NUCKS1: variants seen among roughly 807,000 people sequenced by gnomAD.
NUCKS1 encodes nuclear casein kinase and cyclin dependent kinase substrate 1.
Under a neutral mutation model 33.0 loss-of-function variants are expected in NUCKS1, and 2 were observed. The ratio of observed to expected loss-of-function variants is 0.06; its 90% confidence interval spans 0.02 to 0.19. The LOEUF is 0.19. NUCKS1 is among the 10% of genes least tolerant of loss of function. The pLI, the probability that NUCKS1 is intolerant of heterozygous loss-of-function variation, is 1.00. For synonymous variants in NUCKS1, 106 were observed against 102.8 expected (o/e 1.03, Z -0.19); for missense variants, 201 against 293.6 (o/e 0.68, Z 2.31).
At position 205,716,813 on chromosome 1, in the gene NUCKS1, C is replaced by T. The variant is rs1409998567; in HGVS notation, c.*1467G>A. ...AAGGATCAAACCTACGGATCTATCT[C>T]CTGACTGCTTTTATAAGGCGTGTAA... On this transcript the variant is annotated 3_prime_UTR_variant, in exon 7 of 7. Transcript: ENST00000367142. The T allele has an allele frequency of 6.6e-6, 1 of 152,222 alleles. No homozygotes were observed. The highest frequency in any genetic ancestry group is 1.5e-5 in the Non-Finnish European group (1 of 68,050). 9.4% of individuals were successfully genotyped at this position (152,222 alleles called of 1,614,324 possible).
rs979103535 is a variant in NUCKS1, at chr1:205,718,238, T to C, written c.*42A>G. The C allele has an allele frequency of 9.5e-6, 8 of 844,512 alleles. No individual in the cohort carries two copies. Among genetic ancestry groups the C allele is most frequent in the East Asian group, 3.9e-5 (1 of 25,718 alleles). 52.3% of individuals were successfully genotyped at this position (844,512 alleles called of 1,614,324 possible). On this transcript the variant is annotated 3_prime_UTR_variant, in exon 7 of 7. Coordinates refer to ENST00000367142, the MANE Select transcript of NUCKS1 (RefSeq NM_022731.5). Reference sequence around the variant, plus strand: ...CCTCCCTCTTTTTTCTTTTTTTTTCTTTTTTTTTTTAATAAAATCTCTCCC... The same window carrying C: ...CCTCCCTCTTTTTTCTTTTTTTTTCCTTTTTTTTTTAATAAAATCTCTCCC...
At chr1:205,738,200 G>A (rs1287758925) in intron 1 of NUCKS1, among the ~76,000 whole-genome samples, 1 of 151,708 alleles carries the variant, frequency 6.6e-6, no homozygotes, top group Non-Finnish European at 1.5e-5. Context: ...TACTTTTTTT[G>A]TATTTTTAGT....
rs1355523171 is a variant in NUCKS1, at chr1:205,727,889, A to G, written c.68-84T>C. ...ATATTTACTGACATAATTATCTCTC[A>G]TGCTGTTTAAATGGTGAGAGGAGCA... On this transcript the variant is annotated intron_variant, in intron 2 of 6. Coordinates refer to ENST00000367142, the MANE Select transcript of NUCKS1 (RefSeq NM_022731.5). 6 of 922,734 alleles carry G rather than the reference A, an allele frequency of 6.5e-6. No individual in the cohort carries two copies. In the African/African-American group the frequency reaches 1.0e-4, roughly 15 times the overall value. The allele number at this position is 922,734 out of a possible 1,614,324, so 57.2% of individuals were successfully genotyped here.
chr1:205,732,481 A>G (rs1334105925), intron 1 of NUCKS1, among the ~76,000 whole-genome samples: 1 of 152,158 alleles, frequency 6.6e-6, no homozygotes, highest in Non-Finnish European at 1.5e-5. Context: ...TGAACTATAC[A>G]CTTAAAAATG....
intron 1 of NUCKS1, among the ~76,000 whole-genome samples, chr1:205,747,346 G>C (rs1571593041): frequency 6.6e-6 from 1 of 152,254 alleles, no homozygotes; most frequent in African/African-American, 2.4e-5. Flanking sequence ...CTATTAATTT[G>C]AATCCAAGGC....
chr1:205,730,817 G>A (rs910076605), intron 1 of NUCKS1, among the ~76,000 whole-genome samples: 2 of 151,806 alleles, frequency 1.3e-5, no homozygotes, highest in Admixed American at 1.3e-4. Context: ...ACAATCTCCC[G>A]TCTCTCAAAA....
Position 205,723,922 on chromosome 1 carries a change from C to T in NUCKS1, c.229+4G>A, listed in dbSNP as rs756363440. On this transcript the variant is annotated splice_donor_region_variant and intron_variant, in intron 4 of 6. Coordinates refer to ENST00000367142, the MANE Select transcript of NUCKS1 (RefSeq NM_022731.5). Reference sequence around the variant, plus strand: ...TACCTCTTACATTTAAAATAGTTTACTACCTGCTGAGTGAGAATCATCCTT... The same window carrying T: ...TACCTCTTACATTTAAAATAGTTTATTACCTGCTGAGTGAGAATCATCCTT... The T allele has an allele frequency of 9.4e-6, 15 of 1,589,146 alleles. No homozygotes were observed. Among genetic ancestry groups the T allele is most frequent in the South Asian group, 7.7e-5 (7 of 90,494 alleles).
At chr1:205,724,059 A>G (rs1044063962) in intron 3 of NUCKS1, 78 bp from the exon 4 acceptor site, 1 of 1,056,764 alleles carries the variant, frequency 9.5e-7, no homozygotes, top group Middle Eastern at 2.1e-4. Flanking sequence ...CTGATTTCTG[A>G]CTTGAGAAGA....
chr1:205,749,468 CAG>C (rs1173202647), intron 1 of NUCKS1, among the ~76,000 whole-genome samples: 1 of 152,150 alleles, frequency 6.6e-6, no homozygotes, highest in Non-Finnish European at 1.5e-5. Flanking sequence ...CCGTCCGCTA[CAG>C]AGAGGGCTCA....
intron 4 of NUCKS1, among the ~76,000 whole-genome samples, chr1:205,721,503 T>C (rs1671916048): frequency 6.6e-6 from 1 of 152,342 alleles, no homozygotes; most frequent in Non-Finnish European, 1.5e-5. Flanking sequence ...GTTCACTGTT[T>C]TTGAAAGCTA....
intron 6 of NUCKS1, among the ~76,000 whole-genome samples, chr1:205,718,865 A>T (rs1447488893): frequency 6.6e-6 from 1 of 152,234 alleles, no homozygotes; most frequent in Non-Finnish European, 1.5e-5. Flanking sequence ...AAAAGAATTA[A>T]TCTGATCAGA....
chr1:205,741,325 G>GA (rs1654168487), intron 1 of NUCKS1, among the ~76,000 whole-genome samples: 1 of 142,116 alleles, frequency 7.0e-6, no homozygotes, highest in Non-Finnish European at 1.5e-5. Context: ...AAAAAGAAAA[G>GA]AAAAGAAAGA....
At chr1:205,731,893 C>T (rs1223291008) in intron 1 of NUCKS1, among the ~76,000 whole-genome samples, 1 of 141,014 alleles carries the variant, frequency 7.1e-6, no homozygotes, top group Non-Finnish European at 1.5e-5. Context: ...GAGACTCCGT[C>T]TCAAAAAAAA....
intron 1 of NUCKS1, among the ~76,000 whole-genome samples, chr1:205,742,834 AAAAT>A (rs1369971365): frequency 2.6e-4 from 40 of 152,298 alleles, no homozygotes; most frequent in South Asian, 4.1e-4. Context: ...CAAAGAAAAA[AAAAT>A]AAATAAATAA....
intron 1 of NUCKS1, among the ~76,000 whole-genome samples, chr1:205,735,533 A>C (rs954147005): frequency 6.6e-6 from 1 of 152,226 alleles, no homozygotes; most frequent in Admixed American, 6.5e-5. Flanking sequence ...GACAGCATAA[A>C]ATTTCAATAT....
At chr1:205,746,447 TCTCTCTCACA>T (rs1385053445) in intron 1 of NUCKS1, among the ~76,000 whole-genome samples, 164 of 88,734 alleles carry the variant, frequency 1.8e-3, no homozygotes, top group African/African-American at 6.2e-3. Context: ...TCTCTCTCTC[TCTCTCTCACA>T]CACACACACA....
intron 1 of NUCKS1, among the ~76,000 whole-genome samples, chr1:205,744,630 G>GTTTTTTTTT (rs10672842): frequency 0.11 from 9,634 of 87,618 alleles, 1,912 homozygotes; most frequent in East Asian, 0.48. Flanking sequence ...GTTCACTAGA[G>GTTTTTTTTT]TTTTTTTTTT....
intron 1 of NUCKS1, among the ~76,000 whole-genome samples, chr1:205,735,133 C>T (rs1003684071): frequency 2.6e-5 from 4 of 152,124 alleles, no homozygotes; most frequent in Admixed American, 6.5e-5. Context: ...AACAAAGAAA[C>T]ATTCTAATTT....
At chr1:205,748,984 C>G (rs1030445226) in intron 1 of NUCKS1, among the ~76,000 whole-genome samples, 1 of 152,128 alleles carries the variant, frequency 6.6e-6, no homozygotes, top group Non-Finnish European at 1.5e-5. Context: ...TGGCATAGGA[C>G]GATTCCACCG....
Sources: gnomAD v4.1 joint callset for allele counts (sites outside exome capture counted in the v4.1 genomes callset) on GRCh38, gnomAD v4.1.1 for gene constraint, MANE v1.5 for transcripts, NCBI Gene and HGNC (gene_info 2026-07-23, HGNC 2026-07-21) for gene names.